Variants in LPAR6 observed in about 807,000 individuals in gnomAD.
LPAR6 encodes the protein G-protein coupled purinergic receptor P2Y5.
In LPAR6, 17 loss-of-function variants were observed where a neutral mutation model predicts 22.0. The observed-to-expected ratio is 0.77, with a 90% CI of 0.53 to 1.16. LPAR6 has a LOEUF of 1.16. LPAR6 is among the 50% of genes most tolerant of loss of function. LPAR6 has a pLI of 0.00. For missense variants in LPAR6, 384 were observed against 406.9 expected (o/e 0.94, Z 0.48); for synonymous variants, 136 against 139.8 (o/e 0.97, Z 0.19).
chr13:48,408,035 G>C (rs561628254), downstream of LPAR6, among the ~76,000 whole-genome samples: 1 of 152,076 alleles, frequency 6.6e-6, no homozygotes, highest in South Asian at 2.1e-4. Context: ...TCAGATTCTT[G>C]ATAACTATGT....
chr13:48,411,156 T>C lies in LPAR6; in HGVS notation c.*233A>G. ...CACTAAATAACTTTAAGAGATTTTT[T>C]TTAATGAAGGAACAAATCAAAATGG... On this transcript the variant is annotated 3_prime_UTR_variant, in exon 1 of 1. Transcript: ENST00000620633. 2 of 403,984 alleles carry C rather than the reference T, an allele frequency of 5.0e-6. No homozygotes were observed. Among genetic ancestry groups the C allele is most frequent in the South Asian group, 7.8e-5 (2 of 25,750 alleles). The allele number at this position is 403,984 out of a possible 1,614,324, so 25.0% of individuals were successfully genotyped here. A position where few individuals can be genotyped will look rare whatever the true frequency, so the allele number is the denominator to read the frequency against.
At chr13:48,430,671 C>T (rs1386682366), upstream of LPAR6, among the ~76,000 whole-genome samples, 16 of 152,138 alleles carry the variant, frequency 1.1e-4, no homozygotes, top group East Asian at 1.2e-3. Flanking sequence ...ACCCAGGGGG[C>T]GGAGGTTGCA....
intron 2 of LPAR6, among the ~76,000 whole-genome samples, chr13:48,421,396 C>A (rs570660297): frequency 2.3e-4 from 35 of 152,254 alleles, no homozygotes; most frequent in African/African-American, 7.7e-4. Flanking sequence ...AAATGTAAGA[C>A]CTAAAGCCAT....
Position 48,411,250 on chromosome 13 carries a change from A to C in LPAR6, c.*139T>G. 1.4e-6 allele frequency: 1 copy of C among 720,042 alleles called. No homozygotes were observed. Among genetic ancestry groups the C allele is most frequent in the Non-Finnish European group, 2.4e-6 (1 of 411,876 alleles). The allele number at this position is 720,042 out of a possible 1,614,324, so 44.6% of individuals were successfully genotyped here. A position where few individuals can be genotyped will look rare whatever the true frequency, so the allele number is the denominator to read the frequency against. Reference sequence around the variant, plus strand: ...TTAATGCTTAACACATTGAATACAAATTTTCTTTATACTAAAGACTTTAAA... The same window carrying C: ...TTAATGCTTAACACATTGAATACAACTTTTCTTTATACTAAAGACTTTAAA... On this transcript the variant is annotated 3_prime_UTR_variant, in exon 1 of 1. Coordinates refer to ENST00000620633, the MANE Select transcript of LPAR6 (RefSeq NM_001162498.3).
chr13:48,412,043 TAG>T lies in LPAR6; in HGVS notation c.379_380del (p.Leu127LysfsTer35). 1 of 1,613,540 alleles carries T rather than the reference TAG, an allele frequency of 6.2e-7. No homozygotes were observed. Among genetic ancestry groups the T allele is most frequent in the East Asian group, 2.2e-5 (1 of 44,786 alleles). The part of the protein sequence containing the change: ...AIVYPFKSKT[L>X]RTKRNAKIVC... ...CAATCTTTGCATTTCTTTTGGTTCT[TAG>T]AGTCTTTGACTTAAATGGGTAGACA... On this transcript the variant is annotated frameshift_variant, in exon 1 of 1. Transcript: ENST00000620633. LOFTEE classifies it high-confidence loss of function.
chr13:48,404,976 AG>A (rs2138186661), intron 1 of LPAR6, among the ~76,000 whole-genome samples: 1 of 152,346 alleles, frequency 6.6e-6, no homozygotes, highest in Non-Finnish European at 1.5e-5. Context: ...CAAATATGAC[AG>A]CAAAATGAAA....
intron 1 of LPAR6, among the ~76,000 whole-genome samples, chr13:48,391,231 A>G (rs1452711599): frequency 6.6e-6 from 1 of 152,160 alleles, no homozygotes; most frequent in Admixed American, 6.5e-5. Context: ...AGAATAGTAT[A>G]TTTCCATTTT....
chr13:48,443,983 A>G (rs1314100670), intron 1 of LPAR6, among the ~76,000 whole-genome samples: 1 of 152,132 alleles, frequency 6.6e-6, no homozygotes, highest in East Asian at 1.9e-4. Context: ...TTCTGTGACA[A>G]AATGTGTGGG....
chr13:48,421,974 C>T (rs1298753129), intron 2 of LPAR6, among the ~76,000 whole-genome samples: 1 of 152,152 alleles, frequency 6.6e-6, no homozygotes, highest in African/African-American at 2.4e-5. Flanking sequence ...CCTCAAGGAT[C>T]TAGAACCAGA....
intron 2 of LPAR6, among the ~76,000 whole-genome samples, chr13:48,419,451 A>C (rs1948969725): frequency 6.6e-6 from 1 of 152,204 alleles, no homozygotes; most frequent in Non-Finnish European, 1.5e-5. Context: ...TGTAAAATTG[A>C]CACCCTAACA....
intron 1 of LPAR6, among the ~76,000 whole-genome samples, chr13:48,437,640 A>AT (rs924933419): frequency 2.6e-5 from 4 of 151,702 alleles, no homozygotes; most frequent in African/African-American, 7.3e-5. Flanking sequence ...CAGGGGCTTC[A>AT]TTTTTTTTGC....
intron 1 of LPAR6, among the ~76,000 whole-genome samples, chr13:48,399,731 G>C (rs1948676040): frequency 6.6e-6 from 1 of 151,942 alleles, no homozygotes; most frequent in Non-Finnish European, 1.5e-5. Context: ...TCTTCATCCA[G>C]ATCTGTTTAT....
intron 1 of LPAR6, among the ~76,000 whole-genome samples, chr13:48,397,737 T>A (rs1310495283): frequency 1.3e-5 from 2 of 152,214 alleles, no homozygotes; most frequent in African/African-American, 4.8e-5. Flanking sequence ...TTGTAATGAA[T>A]AGCCCATAGT....
intron 1 of LPAR6, among the ~76,000 whole-genome samples, chr13:48,397,328 G>A (rs965545426): frequency 3.9e-5 from 6 of 152,190 alleles, no homozygotes; most frequent in Admixed American, 2.0e-4. Flanking sequence ...AAAAGGATGA[G>A]TTCGTGTCCT....
chr13:48,415,183 T>G (rs898329510), upstream of LPAR6, among the ~76,000 whole-genome samples: 1 of 152,308 alleles, frequency 6.6e-6, no homozygotes, highest in African/African-American at 2.4e-5. Context: ...TAAAATTTAT[T>G]AATTCTACTT....
At chr13:48,413,271 C>T (rs534843444), upstream of LPAR6, among the ~76,000 whole-genome samples, 1 of 152,328 alleles carries the variant, frequency 6.6e-6, no homozygotes, top group South Asian at 2.1e-4. Flanking sequence ...CAAATGGTCA[C>T]TGGCTGTTGA....
chr13:48,436,205 A>G (rs1430618459), intron 1 of LPAR6, among the ~76,000 whole-genome samples: 2 of 152,226 alleles, frequency 1.3e-5, no homozygotes, highest in Admixed American at 6.5e-5. Flanking sequence ...AAATGAGTTC[A>G]TGTTAATGTT....
chr13:48,411,681 T>G lies in LPAR6; in HGVS notation c.743A>C (p.Asn248Thr). ...FCFCFVPYNINLILYSLVRTQ... is the reference protein window; with the variant it reads ...FCFCFVPYNITLILYSLVRTQ... ...TCTCACAAGAGAATATAAAATAAGA[T>G]TGATATTGTAAGGAACAAAACAGAA... The change falls in exon 1 of 1, where the codon AAT becomes ACT. Residue 248 changes from asparagine to threonine, a missense_variant. Physicochemically the swap from Asn to Thr is moderately conservative, Grantham distance 65 (BLOSUM62 0). Coordinates refer to ENST00000620633, the MANE Select transcript of LPAR6 (RefSeq NM_001162498.3). The G allele has an allele frequency of 2.5e-6, 4 of 1,610,458 alleles. No homozygotes were observed. The highest frequency in any genetic ancestry group is 3.4e-6 in the Non-Finnish European group (4 of 1,176,898).
At chr13:48,442,098 A>T (rs964366143) in intron 1 of LPAR6, among the ~76,000 whole-genome samples, 1 of 152,216 alleles carries the variant, frequency 6.6e-6, no homozygotes, top group Non-Finnish European at 1.5e-5. Flanking sequence ...CTTTCATCAT[A>T]TTCAGACATG....
Sources: gnomAD v4.1 joint callset for allele counts (sites outside exome capture counted in the v4.1 genomes callset) on GRCh38, gnomAD v4.1.1 for gene constraint, MANE v1.5 for transcripts, NCBI Gene and HGNC (gene_info 2026-07-23, HGNC 2026-07-21) for gene names.